Variants in DAB1 observed in about 807,000 individuals in gnomAD.
DAB1 encodes the protein DAB adaptor protein 1.
Under a neutral mutation model 64.6 loss-of-function variants are expected in DAB1, and 15 were observed. That is an observed-to-expected ratio of 0.23 (90% CI 0.16 to 0.36). The LOEUF (loss-of-function observed/expected upper bound fraction) is 0.36, where lower values mean the gene tolerates loss of function less well. Among genes scored for constraint, DAB1 ranks in the 10% least tolerant of loss-of-function variants. The pLI is 1.00. For missense variants in DAB1, 596 were observed against 706.7 expected (o/e 0.84, Z 1.78); for synonymous variants, 235 against 251.9 (o/e 0.93, Z 0.64).
intron 5 of DAB1, among the ~76,000 whole-genome samples, chr1:58,024,712 G>A (rs1646863580): frequency 6.6e-6 from 1 of 152,186 alleles, no homozygotes; most frequent in African/African-American, 2.4e-5. Context: ...CTGTGAGGGT[G>A]TTTCTGGATG....
chr1:58,053,681 T>C (rs992448311), intron 5 of DAB1, among the ~76,000 whole-genome samples: 1 of 152,204 alleles, frequency 6.6e-6, no homozygotes. Flanking sequence ...GTCTTGGAAA[T>C]ATAGTAAAGA....
intron 4 of DAB1, among the ~76,000 whole-genome samples, chr1:58,163,031 G>C (rs952053420): frequency 6.6e-6 from 1 of 152,126 alleles, no homozygotes; most frequent in African/African-American, 2.4e-5. Context: ...CATCCCCCAA[G>C]AAAGAATGAC....
intron 2 of DAB1, among the ~76,000 whole-genome samples, chr1:57,246,603 A>G (rs1668897213): frequency 6.6e-6 from 1 of 152,230 alleles, no homozygotes; most frequent in Non-Finnish European, 1.5e-5. Flanking sequence ...GACAATGCCT[A>G]GTGGAGCTGT....
At chr1:58,291,885 C>T (rs1373767336) in intron 4 of DAB1, among the ~76,000 whole-genome samples, 1 of 152,118 alleles carries the variant, frequency 6.6e-6, no homozygotes, top group African/African-American at 2.4e-5. Flanking sequence ...CCACAGAGTA[C>T]CCAGCTTAAA....
intron 4 of DAB1, among the ~76,000 whole-genome samples, chr1:58,254,316 C>T (rs1470655157): frequency 3.3e-5 from 5 of 152,118 alleles, no homozygotes; most frequent in Admixed American, 3.3e-4. Flanking sequence ...CCAGTGCTGC[C>T]CCCTACCCCA....
At chr1:58,226,297 T>C (rs1357260671) in intron 4 of DAB1, among the ~76,000 whole-genome samples, 2 of 152,132 alleles carry the variant, frequency 1.3e-5, no homozygotes, top group East Asian at 3.8e-4. Flanking sequence ...ATATCCTTTG[T>C]AGCACACTTT....
chr1:57,216,593 T>C (rs1000947835), intron 2 of DAB1, among the ~76,000 whole-genome samples: 2 of 152,188 alleles, frequency 1.3e-5, no homozygotes, highest in South Asian at 4.1e-4. Flanking sequence ...GCCAGGTCCA[T>C]GTCCTTAAGG....
At chr1:57,259,439 A>G (rs956551063) in intron 2 of DAB1, among the ~76,000 whole-genome samples, 4 of 152,212 alleles carry the variant, frequency 2.6e-5, no homozygotes, top group Non-Finnish European at 5.9e-5. Flanking sequence ...TATGAAAAGT[A>G]GCTGAACTAA....
intron 7 of DAB1, among the ~76,000 whole-genome samples, chr1:57,575,226 C>T (rs1524723): frequency 0.012 from 1,823 of 152,250 alleles, 52 homozygotes; most frequent in African/African-American, 0.042. Flanking sequence ...AAAAGACTCA[C>T]AAACAAAAAT....
At chr1:58,080,891 A>T (rs1373545597) in intron 5 of DAB1, among the ~76,000 whole-genome samples, 1 of 152,210 alleles carries the variant, frequency 6.6e-6, no homozygotes, top group Non-Finnish European at 1.5e-5. Flanking sequence ...GCTATTAAGG[A>T]TTCCCATTAT....
chr1:57,780,744 T>C (rs532195913), intron 6 of DAB1, among the ~76,000 whole-genome samples: 1 of 151,742 alleles, frequency 6.6e-6, no homozygotes, highest in South Asian at 2.1e-4. Context: ...TTCTTTTCTT[T>C]CTTTTTTTTC....
At chr1:58,288,019 CA>C (rs763850453) in intron 4 of DAB1, among the ~76,000 whole-genome samples, 64 of 21,982 alleles carry the variant, frequency 2.9e-3, no homozygotes, top group Admixed American at 0.018. Flanking sequence ...AAGACTGCCT[CA>C]AAAAAAAAAA....
At chr1:58,140,297 T>G (rs540700662) in intron 5 of DAB1, among the ~76,000 whole-genome samples, 1 of 152,164 alleles carries the variant, frequency 6.6e-6, no homozygotes, top group Admixed American at 6.5e-5. Flanking sequence ...GGCACTGACA[T>G]CAAAGAGAAA....
chr1:57,122,966 A>T (rs1369921175), intron 4 of DAB1, among the ~76,000 whole-genome samples: 1 of 152,088 alleles, frequency 6.6e-6, no homozygotes, highest in East Asian at 1.9e-4. Flanking sequence ...TCCATCCCAT[A>T]ATGGAGAAAA....
intron 4 of DAB1, among the ~76,000 whole-genome samples, chr1:58,163,290 G>A (rs1655643406): frequency 6.6e-6 from 1 of 152,124 alleles, no homozygotes; most frequent in Non-Finnish European, 1.5e-5. Flanking sequence ...TTGCAGGTCC[G>A]GTTCTCAGAG....
At chr1:57,961,809 A>C (rs1224080025) in intron 5 of DAB1, among the ~76,000 whole-genome samples, 2 of 152,012 alleles carry the variant, frequency 1.3e-5, no homozygotes, top group Non-Finnish European at 2.9e-5. Flanking sequence ...TCTCTACTAA[A>C]AAATACAAAA....
chr1:57,362,386 G>A (rs987594323), intron 1 of DAB1, among the ~76,000 whole-genome samples: 2 of 151,912 alleles, frequency 1.3e-5, no homozygotes, highest in Non-Finnish European at 2.9e-5. Context: ...ATTTACTTAG[G>A]AGCATTACTC....
chr1:58,046,377 T>C (rs4110981), intron 5 of DAB1, among the ~76,000 whole-genome samples: 65,570 of 152,010 alleles, frequency 0.43, 14,769 homozygotes, highest in Non-Finnish European at 0.5. Context: ...GTCCAAATCA[T>C]TTACTTGGGT....
chr1:57,947,402 C>T (rs1645200050), intron 5 of DAB1, among the ~76,000 whole-genome samples: 1 of 152,122 alleles, frequency 6.6e-6, no homozygotes, highest in African/African-American at 2.4e-5. Flanking sequence ...CAGGGTGTCT[C>T]AACCTTAGCG....
Sources: gnomAD v4.1 joint callset for allele counts (sites outside exome capture counted in the v4.1 genomes callset) on GRCh38, gnomAD v4.1.1 for gene constraint, MANE v1.5 for transcripts, NCBI Gene and HGNC (gene_info 2026-07-23, HGNC 2026-07-21) for gene names.